Variants in GNA14 observed in about 807,000 individuals in gnomAD.
GNA14 encodes the protein G protein subunit alpha 14, also known as guanine nucleotide-binding protein subunit alpha-14.
GNA14 carries 50 observed loss-of-function variants against 42.0 expected under a neutral mutation model. That is an observed-to-expected ratio of 1.19 (90% CI 0.95 to 1.51). The LOEUF is 1.51. GNA14 is among the 40% of genes most tolerant of loss of function. GNA14 has a pLI of 0.00. For synonymous variants in GNA14, 173 were observed against 163.1 expected (o/e 1.06, Z -0.46); for missense variants, 473 against 446.2 (o/e 1.06, Z -0.54).
At chr9:77,603,956 C>CAAAAAAAAAAAAAAAA (rs67044542) in intron 1 of GNA14, among the ~76,000 whole-genome samples, 166 of 81,602 alleles carry the variant, frequency 2.0e-3, no homozygotes, top group East Asian at 2.7e-3. Flanking sequence ...AAAAAAAAAA[C>CAAAAAAAAAAAAAAAA]AAAAAAAAAA....
chr9:77,548,735 T>C (rs1027819623), intron 1 of GNA14, among the ~76,000 whole-genome samples: 1 of 152,234 alleles, frequency 6.6e-6, no homozygotes, highest in African/African-American at 2.4e-5. Flanking sequence ...ATTTTCTACA[T>C]GCAGCAACTT....
chr9:77,552,940 T>C (rs1837803689), intron 1 of GNA14, among the ~76,000 whole-genome samples: 2 of 152,110 alleles, frequency 1.3e-5, no homozygotes, highest in Non-Finnish European at 2.9e-5. Flanking sequence ...AAAGTGAACA[T>C]AACTCAATGA....
chr9:77,637,808 A>G (rs182566171), intron 1 of GNA14, among the ~76,000 whole-genome samples: 2 of 152,342 alleles, frequency 1.3e-5, no homozygotes, highest in Non-Finnish European at 2.9e-5. Flanking sequence ...AAACCATGAA[A>G]AGAAAAATTG....
At chr9:77,641,175 A>C (rs181917188) in intron 1 of GNA14, among the ~76,000 whole-genome samples, 1,938 of 130,372 alleles carry the variant, frequency 0.015, 218 homozygotes, top group East Asian at 0.088. Context: ...GAAGGAAGGA[A>C]GGGCAAAGGT....
intron 1 of GNA14, among the ~76,000 whole-genome samples, chr9:77,540,956 A>T (rs937426893): frequency 6.6e-6 from 1 of 152,058 alleles, no homozygotes; most frequent in Non-Finnish European, 1.5e-5. Context: ...TTTATATTCA[A>T]GGTTATTATT....
intron 2 of GNA14, among the ~76,000 whole-genome samples, chr9:77,520,130 T>G (rs1837330919): frequency 6.6e-6 from 1 of 152,228 alleles, no homozygotes; most frequent in African/African-American, 2.4e-5. Flanking sequence ...ACAGAGGGGA[T>G]GCTTTCTAGA....
chr9:77,563,732 A>T (rs1822920896), intron 1 of GNA14, among the ~76,000 whole-genome samples: 1 of 152,184 alleles, frequency 6.6e-6, no homozygotes, highest in Non-Finnish European at 1.5e-5. Context: ...TACCAAGGAC[A>T]GTTAATCTCA....
At chr9:77,539,043 A>G (rs1363204897) in intron 1 of GNA14, among the ~76,000 whole-genome samples, 1 of 152,152 alleles carries the variant, frequency 6.6e-6, no homozygotes, top group Non-Finnish European at 1.5e-5. Flanking sequence ...TTCCAGTACT[A>G]TGTTGAATAG....
chr9:77,577,365 A>G (rs1823144587), intron 1 of GNA14, among the ~76,000 whole-genome samples: 1 of 152,210 alleles, frequency 6.6e-6, no homozygotes, highest in East Asian at 1.9e-4. Flanking sequence ...AGCTTTACCA[A>G]TTTGGTTAGT....
intron 2 of GNA14, among the ~76,000 whole-genome samples, chr9:77,444,429 C>G (rs1250931082): frequency 6.6e-6 from 1 of 152,208 alleles, no homozygotes; most frequent in Non-Finnish European, 1.5e-5. Context: ...GTGCCAGCTT[C>G]TTCCACAAGT....
chr9:77,553,611 T>C (rs1286942808), intron 1 of GNA14, among the ~76,000 whole-genome samples: 4 of 152,046 alleles, frequency 2.6e-5, no homozygotes, highest in African/African-American at 2.4e-5. Flanking sequence ...CCATATTTTG[T>C]TTGCAAGAGG....
intron 1 of GNA14, among the ~76,000 whole-genome samples, chr9:77,633,288 G>A (rs979422085): frequency 6.6e-6 from 1 of 152,126 alleles, no homozygotes; most frequent in Non-Finnish European, 1.5e-5. Context: ...CTCAAAATGA[G>A]TATCAGTTCA....
chr9:77,625,449 T>C (rs1040184302), intron 1 of GNA14, among the ~76,000 whole-genome samples: 1 of 151,896 alleles, frequency 6.6e-6, no homozygotes, highest in African/African-American at 2.4e-5. Flanking sequence ...GTTGTCAGGT[T>C]GAAATGAAGA....
intron 2 of GNA14, among the ~76,000 whole-genome samples, chr9:77,463,289 A>C (rs777828574): frequency 6.6e-6 from 1 of 152,196 alleles, no homozygotes; most frequent in Non-Finnish European, 1.5e-5. Context: ...GTGCATCTCA[A>C]ACAGCTGACA....
At chr9:77,615,304 T>C (rs1823793172) in intron 1 of GNA14, among the ~76,000 whole-genome samples, 1 of 152,204 alleles carries the variant, frequency 6.6e-6, no homozygotes, top group South Asian at 2.1e-4. Context: ...ACAATGCTTT[T>C]TTTTTTAGCC....
intron 1 of GNA14, among the ~76,000 whole-genome samples, chr9:77,602,380 G>T (rs373488953): frequency 6.6e-6 from 1 of 152,176 alleles, no homozygotes; most frequent in Non-Finnish European, 1.5e-5. Flanking sequence ...TTTTCTGACC[G>T]CATAGCAAAT....
chr9:77,493,021 A>AT, intron 2 of GNA14, among the ~76,000 whole-genome samples: 1 of 117,106 alleles, frequency 8.5e-6, no homozygotes, highest in Non-Finnish European at 1.7e-5. Context: ...AAAAAAAAAA[A>AT]AAAAAATATA....
chr9:77,577,996 G>A (rs188906671), intron 1 of GNA14, among the ~76,000 whole-genome samples: 4 of 152,226 alleles, frequency 2.6e-5, no homozygotes, highest in East Asian at 3.9e-4. Context: ...GGCCAGGCGC[G>A]GTGGCTCATG....
At chr9:77,454,333 G>A (rs956671065) in intron 2 of GNA14, among the ~76,000 whole-genome samples, 1 of 152,134 alleles carries the variant, frequency 6.6e-6, no homozygotes, top group Non-Finnish European at 1.5e-5. Context: ...CTTTGTTTTT[G>A]GGTGGCCCAT....
Sources: allele counts gnomAD v4.1 joint callset (sites outside exome capture counted in the v4.1 genomes callset), GRCh38; gene constraint gnomAD v4.1.1; transcripts MANE v1.5; gene names NCBI Gene and HGNC (gene_info 2026-07-23, HGNC 2026-07-21).